The following ANKH variants were observed in gnomAD, a reference collection of about 807,000 sequenced individuals.
ANKH encodes the protein mineralization regulator ANKH.
In ANKH, 15 loss-of-function variants were observed where a neutral mutation model predicts 49.0. That is an observed-to-expected ratio of 0.31 (90% CI 0.20 to 0.47). ANKH has a LOEUF of 0.47. Ranked by LOEUF, ANKH falls within the 20% of genes least tolerant of loss-of-function variation. The pLI, the probability that ANKH is intolerant of heterozygous loss-of-function variation, is 1.00. For missense variants in ANKH, 429 were observed against 652.0 expected (o/e 0.66, Z 3.72); for synonymous variants, 273 against 260.0 (o/e 1.05, Z -0.48).
At chr5:14,842,311 C>T (rs1230385822) in intron 1 of ANKH, among the ~76,000 whole-genome samples, 1 of 152,242 alleles carries the variant, frequency 6.6e-6, no homozygotes, top group East Asian at 1.9e-4. Context: ...GTGCTTCAGG[C>T]ATAAGCAAAC....
chr5:14,771,757 C>T (rs576508193), intron 1 of ANKH, among the ~76,000 whole-genome samples: 33 of 151,840 alleles, frequency 2.2e-4, no homozygotes, highest in Non-Finnish European at 4.7e-4. Context: ...CCCGTCTCTA[C>T]TAAAAATACA....
In ANKH at chr5:14,737,433, G is replaced by C. The variant is rs947932677; in HGVS notation, c.1011+4394C>G. On this transcript the variant is annotated intron_variant, in intron 8 of 11. Coordinates refer to ENST00000284268, the MANE Select transcript of ANKH (RefSeq NM_054027.6). This position sits in a 1 kb window ranked among gnomAD's most constrained non-coding sequence, Gnocchi z 5.0. ...CCTGCTCCTCTCTTGTGAGCTCACT[G>C]CTGCCTCAGCCTGTGGCTCCAGGAG... Among the ~76,000 whole-genome samples the C allele has an allele frequency of 6.6e-6, 1 of 152,228 alleles. No individual in the cohort carries two copies. The highest frequency in any genetic ancestry group is 2.4e-5 in the African/African-American group (1 of 41,460).
At chr5:14,731,052 G>A (rs139839120) in intron 8 of ANKH, among the ~76,000 whole-genome samples, 1 of 152,338 alleles carries the variant, frequency 6.6e-6, no homozygotes, top group Non-Finnish European at 1.5e-5. Context: ...CAGAGCGAGG[G>A]GACACTGCTG....
chr5:14,765,724 T>C (rs1739239043), intron 2 of ANKH, among the ~76,000 whole-genome samples: 1 of 152,218 alleles, frequency 6.6e-6, no homozygotes, highest in Non-Finnish European at 1.5e-5. Flanking sequence ...GAATGAGGGA[T>C]GACACTACAA....
rs1446057752 is a variant in ANKH, at chr5:14,706,515, C to G, written c.*4682G>C. 1 of 152,088 alleles carries G rather than the reference C, an allele frequency of 6.6e-6. No individual in the cohort carries two copies. Among genetic ancestry groups the G allele is most frequent in the African/African-American group, 2.4e-5 (1 of 41,384 alleles). The allele number at this position is 152,088 out of a possible 1,614,324, so 9.4% of individuals were successfully genotyped here. On this transcript the variant is annotated 3_prime_UTR_variant, in exon 12 of 12. Coordinates refer to ENST00000284268, the MANE Select transcript of ANKH (RefSeq NM_054027.6). The stretch of plus-strand genomic sequence containing the variant: ...AGAAAATAAAGTCTAAACTTAAGGT[C>G]TTATCATCTCGTTTTTCCCTTTTGA...
At chr5:14,858,449 G>A (rs1735357643) in intron 1 of ANKH, among the ~76,000 whole-genome samples, 1 of 152,154 alleles carries the variant, frequency 6.6e-6, no homozygotes, top group Non-Finnish European at 1.5e-5. Context: ...AGATGTGGTG[G>A]CTCTCGCCTG....
chr5:14,855,131 C>T (rs1172960933), intron 1 of ANKH, among the ~76,000 whole-genome samples: 4 of 152,158 alleles, frequency 2.6e-5, no homozygotes, highest in South Asian at 2.1e-4. Context: ...CTACTGGATC[C>T]GTCTTGCTTT....
At chr5:14,757,678 AT>A (rs1242761068) in intron 3 of ANKH, among the ~76,000 whole-genome samples, 1 of 152,042 alleles carries the variant, frequency 6.6e-6, no homozygotes, top group African/African-American at 2.4e-5. Context: ...AGTGATTCTG[AT>A]CCTTTGATCC....
chr5:14,746,122 G>A (rs780836071), intron 6 of ANKH, among the ~76,000 whole-genome samples, 160 bp from the exon 7 acceptor site: 8 of 152,064 alleles, frequency 5.3e-5, no homozygotes, highest in South Asian at 2.1e-4. Context: ...GGCCCAGGAC[G>A]GGGGGAACTG....
chr5:14,801,280 T>G (rs1401715658), intron 1 of ANKH, among the ~76,000 whole-genome samples: 1 of 152,204 alleles, frequency 6.6e-6, no homozygotes, highest in East Asian at 1.9e-4. Flanking sequence ...AGTCCTTAAA[T>G]TCCCTATGAC....
chr5:14,716,950 C>CT (rs772747941), intron 8 of ANKH, 115 bp from the exon 9 acceptor site: 44 of 1,377,444 alleles, frequency 3.2e-5, no homozygotes, highest in Non-Finnish European at 4.4e-5. Flanking sequence ...ACCGGCCTGA[C>CT]TGGGTGGTGG....
At chr5:14,838,935 C>T (rs914984353) in intron 1 of ANKH, among the ~76,000 whole-genome samples, 1 of 152,114 alleles carries the variant, frequency 6.6e-6, no homozygotes, top group Non-Finnish European at 1.5e-5. Context: ...AAGGCAAAGA[C>T]CTGAAGACTT....
chr5:14,849,057 C>G (rs1742053524), intron 1 of ANKH, among the ~76,000 whole-genome samples: 2 of 152,204 alleles, frequency 1.3e-5, no homozygotes, highest in Admixed American at 1.3e-4. Context: ...TCACCTTCCC[C>G]AGCTAGGCTT....
chr5:14,793,034 A>ATAT (rs60884804), intron 1 of ANKH, among the ~76,000 whole-genome samples: 3 of 75,060 alleles, frequency 4.0e-5, no homozygotes, highest in East Asian at 3.5e-4. Flanking sequence ...ATATATATAT[A>ATAT]AAAATATATA....
intron 8 of ANKH, chr5:14,741,346 A>T (rs919108919): frequency 5.2e-6 from 1 of 193,608 alleles, no homozygotes; most frequent in African/African-American, 2.4e-5. Context: ...CTCAGCAGAC[A>T]GATGGGCCTG....
At chr5:14,817,226 T>C (rs1741063930) in intron 1 of ANKH, among the ~76,000 whole-genome samples, 1 of 152,152 alleles carries the variant, frequency 6.6e-6, no homozygotes, top group Admixed American at 6.5e-5. Flanking sequence ...TTGGCAGCCC[T>C]GTGTGGATGT....
intron 11 of ANKH, among the ~76,000 whole-genome samples, 189 bp downstream of exon 11, chr5:14,712,685 C>T (rs947629382): frequency 6.6e-6 from 1 of 152,212 alleles, no homozygotes; most frequent in Non-Finnish European, 1.5e-5. Flanking sequence ...TTGCTGCCTT[C>T]AGCTTTTCCC....
chr5:14,725,934 TG>T lies in ANKH; in HGVS notation c.1012-9100del, dbSNP rs1024709127. 1.7e-4 allele frequency among the ~76,000 whole-genome samples: 26 copies of T among 152,144 alleles called. No homozygotes were observed. The highest frequency in any genetic ancestry group is 6.0e-4 in the African/African-American group (25 of 41,430). On this transcript the variant is annotated intron_variant, in intron 8 of 11. Transcript: ENST00000284268. The surrounding 1 kb of genome is among the most constrained non-coding windows in gnomAD (Gnocchi z 4.0). ...CTAATTTTTGTATTTTTAGTAGAGATGGGGTTTCACCATGCAGAAAAACATT... is the reference window on the plus strand; with the variant it reads ...CTAATTTTTGTATTTTTAGTAGAGATGGGTTTCACCATGCAGAAAAACATT...
rs538053778 is a variant in ANKH, at chr5:14,739,286, G to A, written c.1011+2541C>T. On this transcript the variant is annotated intron_variant, in intron 8 of 11. Coordinates refer to ENST00000284268, the MANE Select transcript of ANKH (RefSeq NM_054027.6). Reference sequence around the variant, plus strand: ...ACAAAAATCAGCCGGGTGTGGTGGCGGGTGCTTGTAATCCCAGCTACTTGG... The same window carrying A: ...ACAAAAATCAGCCGGGTGTGGTGGCAGGTGCTTGTAATCCCAGCTACTTGG... Among the ~76,000 whole-genome samples, 10 of 152,164 alleles carry A rather than the reference G, an allele frequency of 6.6e-5. No homozygotes were observed. In the South Asian group the frequency reaches 1.0e-3, roughly 16 times the overall value.
Sources: gnomAD v4.1 joint callset for allele counts (sites outside exome capture counted in the v4.1 genomes callset) on GRCh38, gnomAD v4.1.1 for gene constraint, Gnocchi (gnomAD v3.1) non-coding constraint, MANE v1.5 for transcripts, NCBI Gene and HGNC (gene_info 2026-07-23, HGNC 2026-07-21) for gene names.